HS6ST3: variants seen among roughly 807,000 people sequenced by gnomAD.
HS6ST3 encodes the protein heparan-sulfate 6-O-sulfotransferase 3.
In HS6ST3, 12 loss-of-function variants were observed where a neutral mutation model predicts 36.7. The ratio of observed to expected loss-of-function variants is 0.33; its 90% CI spans 0.21 to 0.53. The LOEUF (loss-of-function observed/expected upper bound fraction) is 0.53. HS6ST3 is among the 20% of genes least tolerant of loss of function. The pLI, the probability that HS6ST3 is intolerant of heterozygous loss-of-function variation, is 0.95. For missense variants in HS6ST3, 584 were observed against 640.9 expected, an observed-to-expected ratio of 0.91 and a Z score of 0.96; for synonymous variants, 240 against 257.5, an observed-to-expected ratio of 0.93 and a Z score of 0.65.
chr13:96,369,846 G>A (rs933197686), intron 1 of HS6ST3, among the ~76,000 whole-genome samples: 1 of 152,040 alleles, frequency 6.6e-6, no homozygotes, highest in African/African-American at 2.4e-5. Context: ...ATTGGTGACT[G>A]TTTTCAGAAG....
chr13:96,443,784 C>T (rs1425643182), intron 1 of HS6ST3, among the ~76,000 whole-genome samples: 1 of 152,142 alleles, frequency 6.6e-6, no homozygotes, highest in Non-Finnish European at 1.5e-5. Context: ...TAAATGGTTT[C>T]CCTGTAGTTA....
At chr13:96,374,618 G>T (rs2055305813) in intron 1 of HS6ST3, among the ~76,000 whole-genome samples, 1 of 152,180 alleles carries the variant, frequency 6.6e-6, no homozygotes, top group East Asian at 1.9e-4. Flanking sequence ...GCTTTCTTTA[G>T]TCATTAGATG....
intron 1 of HS6ST3, among the ~76,000 whole-genome samples, chr13:96,688,794 C>T (rs1455925516): frequency 5.9e-5 from 9 of 152,100 alleles, no homozygotes; most frequent in South Asian, 2.1e-4. Context: ...ATACGTCCTT[C>T]ATCCACCCAG....
At chr13:96,777,307 C>T (rs75058147) in intron 1 of HS6ST3, among the ~76,000 whole-genome samples, 1 of 152,208 alleles carries the variant, frequency 6.6e-6, no homozygotes. Context: ...TCTCTCACCA[C>T]TCCTATTCAA....
chr13:96,558,788 T>G (rs2056250755), intron 1 of HS6ST3, among the ~76,000 whole-genome samples: 1 of 152,216 alleles, frequency 6.6e-6, no homozygotes, highest in South Asian at 2.1e-4. Flanking sequence ...AGAAAGGTGT[T>G]TCTAAATCTT....
intron 1 of HS6ST3, among the ~76,000 whole-genome samples, chr13:96,335,961 C>T (rs2055099001): frequency 6.6e-6 from 1 of 152,052 alleles, no homozygotes; most frequent in South Asian, 2.1e-4. Context: ...TTTTAAAATA[C>T]TGTGAATTCT....
chr13:96,617,637 G>A (rs1281936080), intron 1 of HS6ST3, among the ~76,000 whole-genome samples: 1 of 152,180 alleles, frequency 6.6e-6, no homozygotes, highest in African/African-American at 2.4e-5. Context: ...GGTTTCATTC[G>A]AGGTAAACAA....
At chr13:96,562,373 G>A (rs1158124681) in intron 1 of HS6ST3, among the ~76,000 whole-genome samples, 2 of 152,138 alleles carry the variant, frequency 1.3e-5, no homozygotes, top group Non-Finnish European at 2.9e-5. Flanking sequence ...GAGACTGCTT[G>A]AGGGAGAAGG....
intron 1 of HS6ST3, among the ~76,000 whole-genome samples, chr13:96,629,535 G>A (rs1212890423): frequency 6.6e-6 from 1 of 152,150 alleles, no homozygotes; most frequent in Non-Finnish European, 1.5e-5. Flanking sequence ...GCCACGTCAT[G>A]CATGCGTTCT....
chr13:96,232,527 C>G (rs977356764), intron 1 of HS6ST3, among the ~76,000 whole-genome samples: 25 of 152,094 alleles, frequency 1.6e-4, no homozygotes, highest in Middle Eastern at 3.4e-3. Context: ...AAAATCAGTA[C>G]CTAGGAAGTG....
At chr13:96,192,600 GGA>G (rs1491578188) in intron 1 of HS6ST3, among the ~76,000 whole-genome samples, 1 of 30,964 alleles carries the variant, frequency 3.2e-5, no homozygotes, top group East Asian at 6.3e-4. Flanking sequence ...TCCATGGGAT[GGA>G]TATATATATA....
intron 1 of HS6ST3, among the ~76,000 whole-genome samples, chr13:96,554,896 T>C (rs926228093): frequency 1.3e-5 from 2 of 151,948 alleles, no homozygotes; most frequent in Middle Eastern, 3.4e-3. Flanking sequence ...AAGTGATCCA[T>C]GGCAAAACCC....
chr13:96,365,000 CAA>C (rs1006130586), intron 1 of HS6ST3, among the ~76,000 whole-genome samples: 3 of 152,122 alleles, frequency 2.0e-5, no homozygotes, highest in Non-Finnish European at 4.4e-5. Flanking sequence ...AGGGCTGATA[CAA>C]AGTGTCTATT....
rs199550639 is a variant in HS6ST3 at position 96,326,770 on chromosome 13, G to A, written c.707+235201G>A. On this transcript the variant is annotated intron_variant, in intron 1 of 1. Coordinates refer to ENST00000376705, the MANE Select transcript of HS6ST3 (RefSeq NM_153456.4). Reference sequence around the variant, plus strand: ...AATCACCACACTGTCTTCCACAATGGTTGAACTAGTTTACAGTCCCACCAA... The same window carrying A: ...AATCACCACACTGTCTTCCACAATGATTGAACTAGTTTACAGTCCCACCAA... 6.4e-4 allele frequency among the ~76,000 whole-genome samples: 97 copies of A among 152,038 alleles called. No homozygotes were observed. The East Asian group carries it at 0.014, about 23-fold the overall frequency.
chr13:96,157,379 G>T (rs1159490782), intron 1 of HS6ST3, among the ~76,000 whole-genome samples: 1 of 152,128 alleles, frequency 6.6e-6, no homozygotes, highest in Non-Finnish European at 1.5e-5. Context: ...AAATAAGAAA[G>T]GATCAAAAGA....
chr13:96,511,546 A>G (rs2056049812), intron 1 of HS6ST3, among the ~76,000 whole-genome samples: 1 of 152,036 alleles, frequency 6.6e-6, no homozygotes, highest in South Asian at 2.1e-4. Context: ...TGAATTGCCT[A>G]CATGTATACT....
chr13:96,353,951 A>G (rs1462256019), intron 1 of HS6ST3, among the ~76,000 whole-genome samples: 2 of 152,196 alleles, frequency 1.3e-5, no homozygotes, highest in African/African-American at 4.8e-5. Flanking sequence ...GGGAAGAGGT[A>G]ACTGTCACAT....
At chr13:96,816,746 G>C (rs987254974) in intron 1 of HS6ST3, among the ~76,000 whole-genome samples, 1 of 152,270 alleles carries the variant, frequency 6.6e-6, no homozygotes. Context: ...TTAGATTAGA[G>C]AAAAGGCAGT....
intron 1 of HS6ST3, among the ~76,000 whole-genome samples, chr13:96,131,880 C>A (rs2139312008): frequency 6.6e-6 from 1 of 151,556 alleles, no homozygotes; most frequent in Admixed American, 6.6e-5. Context: ...GAAGTTTTCA[C>A]TAAGCCTTAT....
Sources: gnomAD v4.1 joint callset for allele counts (sites outside exome capture counted in the v4.1 genomes callset) on GRCh38, gnomAD v4.1.1 for gene constraint, MANE v1.5 for transcripts, NCBI Gene and HGNC (gene_info 2026-07-23, HGNC 2026-07-21) for gene names.